The following DENND1A variants were observed in gnomAD, a reference collection of about 807,000 sequenced individuals.
The protein encoded by DENND1A is DENN domain containing 1A.
A neutral mutation model predicts 113.7 loss-of-function variants in DENND1A; 51 were observed. The ratio of observed to expected loss-of-function variants is 0.45; its 90% CI spans 0.36 to 0.57. The LOEUF is 0.57. Ranked by LOEUF, DENND1A falls within the 20% of genes least tolerant of loss-of-function variation. The probability of loss-of-function intolerance (pLI) is 0.00; values close to 1 mark genes in which losing one functional copy is unlikely to be tolerated. For synonymous variants in DENND1A, 565 were observed against 570.8 expected, an observed-to-expected ratio of 0.99 and a Z score of 0.14; for missense variants, 1,258 against 1,395.9, an observed-to-expected ratio of 0.90 and a Z score of 1.57.
intron 5 of DENND1A, among the ~76,000 whole-genome samples, chr9:123,744,690 A>G (rs1374416011): frequency 1.3e-5 from 2 of 151,268 alleles, no homozygotes; most frequent in African/African-American, 4.9e-5. Context: ...CAATTGGTCT[A>G]CCTTTCAATA....
intron 5 of DENND1A, among the ~76,000 whole-genome samples, chr9:123,728,218 C>T (rs1381889792): frequency 1.3e-5 from 2 of 151,986 alleles, no homozygotes; most frequent in African/African-American, 4.8e-5. Flanking sequence ...TGGCTCACAC[C>T]TGTAATCCCA....
chr9:123,496,920 G>C (rs2051978019), intron 13 of DENND1A, among the ~76,000 whole-genome samples: 1 of 152,206 alleles, frequency 6.6e-6, no homozygotes, highest in South Asian at 2.1e-4. Flanking sequence ...TTGAGGACCA[G>C]AATGTGCATT....
chr9:123,387,735 A>C lies in DENND1A; in HGVS notation c.1755T>G (p.Phe585Leu). The C allele has an allele frequency of 7.8e-7, 1 of 1,289,724 alleles. No individual in the cohort carries two copies. The highest frequency in any genetic ancestry group is 1.0e-6 in the Non-Finnish European group (1 of 988,864). 79.9% of individuals were successfully genotyped at this position (1,289,724 alleles called of 1,614,324 possible). A position where few individuals can be genotyped will look rare whatever the true frequency, so the allele number is the denominator to read the frequency against. The change falls in exon 22 of 24, where the codon TTT becomes TTG. Residue 585 changes from phenylalanine (F) to leucine (L), a missense_variant. Physicochemically the swap from Phe to Leu is conservative, Grantham distance 22. This residue lies in a region of DENND1A where 1,159 missense variants were observed against 1,231.7 expected (regional missense o/e 0.94). Transcript: ENST00000394215. ...FTESFFFSAP[F>L]EWPQPYRTLR... The stretch of plus-strand genomic sequence containing the variant: ...TGGAAGAAGGAAGGAGAGACCATTC[A>C]AAGGGAGCGGAGAAGAAAAAGCTCT...
intron 1 of DENND1A, among the ~76,000 whole-genome samples, chr9:123,918,276 C>G (rs2134119817): frequency 6.6e-6 from 1 of 150,812 alleles, no homozygotes; most frequent in East Asian, 2.0e-4. Context: ...ATCATGAGGT[C>G]AGGAGATCGA....
chr9:123,823,753 AGG>A (rs1838875355), intron 2 of DENND1A, among the ~76,000 whole-genome samples: 1 of 152,158 alleles, frequency 6.6e-6, no homozygotes, highest in South Asian at 2.1e-4. Context: ...TGGGAGCAGA[AGG>A]AAGTCAGCCG....
intron 5 of DENND1A, among the ~76,000 whole-genome samples, chr9:123,678,378 A>G (rs569813065): frequency 2.0e-5 from 3 of 152,308 alleles, no homozygotes; most frequent in African/African-American, 7.2e-5. Context: ...ACTTACTTTC[A>G]ACGGCTTTGT....
At chr9:123,634,220 C>CA (rs1343550097) in intron 9 of DENND1A, among the ~76,000 whole-genome samples, 3 of 151,978 alleles carry the variant, frequency 2.0e-5, no homozygotes, top group South Asian at 2.1e-4. Context: ...TTATCCTTCA[C>CA]AAAAAAACAA....
chr9:123,686,600 A>G (rs1311807132), intron 5 of DENND1A, among the ~76,000 whole-genome samples: 2 of 152,238 alleles, frequency 1.3e-5, no homozygotes. Flanking sequence ...ATTAGTGTAC[A>G]TGTTATATTC....
chr9:123,513,716 A>T (rs2053639213), intron 13 of DENND1A, among the ~76,000 whole-genome samples: 1 of 152,242 alleles, frequency 6.6e-6, no homozygotes, highest in Admixed American at 6.5e-5. Context: ...GATGACTGAC[A>T]GGAAGCAGCT....
At chr9:123,727,335 G>C (rs1383846214) in intron 5 of DENND1A, among the ~76,000 whole-genome samples, 1 of 152,160 alleles carries the variant, frequency 6.6e-6, no homozygotes, top group Non-Finnish European at 1.5e-5. Flanking sequence ...CTTCAAACTA[G>C]ATTTTCTGAA....
At chr9:123,673,584 T>C (rs1004660461) in intron 6 of DENND1A, among the ~76,000 whole-genome samples, 6 of 152,238 alleles carry the variant, frequency 3.9e-5, no homozygotes, top group African/African-American at 1.4e-4. Context: ...AACCAAGATC[T>C]GGGCACCATG....
chr9:123,851,009 T>C (rs1484673005), intron 2 of DENND1A, among the ~76,000 whole-genome samples: 1 of 152,018 alleles, frequency 6.6e-6, no homozygotes, highest in Non-Finnish European at 1.5e-5. Context: ...AACTATATAT[T>C]GCTTTCAAGA....
At chr9:123,527,635 C>T (rs571000923) in intron 13 of DENND1A, among the ~76,000 whole-genome samples, 4 of 152,196 alleles carry the variant, frequency 2.6e-5, no homozygotes, top group South Asian at 2.1e-4. Context: ...TTGGATCTCC[C>T]GCACCCATCT....
chr9:123,443,346 C>A (rs140027124), intron 18 of DENND1A, among the ~76,000 whole-genome samples: 3 of 152,216 alleles, frequency 2.0e-5, no homozygotes, highest in African/African-American at 4.8e-5. Context: ...TCTCTATCAA[C>A]TGTAAGTTCG....
intron 2 of DENND1A, among the ~76,000 whole-genome samples, chr9:123,852,274 C>T (rs765865918): frequency 2.0e-5 from 3 of 152,068 alleles, no homozygotes; most frequent in Admixed American, 6.6e-5. Flanking sequence ...GATTTAGTTC[C>T]GGAGATTGAG....
In DENND1A at chr9:123,381,151, T is replaced by A. The variant is rs1254265559; in HGVS notation, c.*281A>T. On this transcript the variant is annotated 3_prime_UTR_variant, in exon 24 of 24. Coordinates refer to ENST00000394215, the MANE Select transcript of DENND1A (RefSeq NM_001352964.2). This position sits in a 1 kb window ranked among gnomAD's most constrained non-coding sequence, Gnocchi z 4.7. The stretch of plus-strand genomic sequence containing the variant: ...AGCAATATCATTGGCCCAGCTGACC[T>A]CTTTAGTGCAAAACCCAATCAAGGG... The A allele has an allele frequency of 9.0e-6, 4 of 443,816 alleles. No individual in the cohort carries two copies. Among genetic ancestry groups the A allele is most frequent in the African/African-American group, 7.5e-5 (3 of 40,258 alleles). 27.5% of individuals were successfully genotyped at this position (443,816 alleles called of 1,614,324 possible). A position where few individuals can be genotyped will look rare whatever the true frequency, so the allele number is the denominator to read the frequency against.
chr9:123,720,723 T>C (rs1162769033), intron 5 of DENND1A, among the ~76,000 whole-genome samples: 1 of 152,250 alleles, frequency 6.6e-6, no homozygotes, highest in Non-Finnish European at 1.5e-5. Flanking sequence ...AGCTGATTCT[T>C]ATCTATGGCA....
intron 2 of DENND1A, among the ~76,000 whole-genome samples, chr9:123,814,110 T>C (rs1837080235): frequency 6.6e-6 from 1 of 152,206 alleles, no homozygotes; most frequent in Non-Finnish European, 1.5e-5. Context: ...CAGCTAAATT[T>C]GAATTCTTTG....
At position 123,516,884 on chromosome 9, in the gene DENND1A, C is replaced by CAAAAAAA. The variant is rs546001517; in HGVS notation, c.993+40679_993+40685dup. ...CTGGTGACAGAGTGAGACTCTGTCT[C>CAAAAAAA]AAAAAAAAAAAAAAAAAAAAAAAAA... is the stretch of plus-strand genomic sequence containing the variant. On this transcript the variant is annotated intron_variant, in intron 13 of 23. Transcript: ENST00000394215. Among the ~76,000 whole-genome samples, 133 of 93,294 alleles carry CAAAAAAA rather than the reference C, an allele frequency of 1.4e-3. 5 individuals are homozygous for CAAAAAAA. The highest frequency in any genetic ancestry group is 4.0e-3 in the African/African-American group (65 of 16,162). The allele number at this position is 93,294 out of a possible 152,430, so 61.2% of individuals were successfully genotyped here. A position where few individuals can be genotyped will look rare whatever the true frequency, so the allele number is the denominator to read the frequency against.
Sources: gnomAD v4.1 joint callset for allele counts (sites outside exome capture counted in the v4.1 genomes callset) on GRCh38, gnomAD v4.1.1 for gene constraint, gnomAD v4.1.1 regional missense constraint, Gnocchi (gnomAD v3.1) non-coding constraint, MANE v1.5 for transcripts, NCBI Gene and HGNC (gene_info 2026-07-23, HGNC 2026-07-21) for gene names.